Variants in NCK2 observed in about 807,000 individuals in gnomAD.
NCK2 encodes NCK adaptor protein 2, also known as cytoplasmic protein NCK2.
A neutral mutation model predicts 33.9 loss-of-function variants in NCK2; 16 were observed. That is an observed-to-expected ratio of 0.47 (90% CI 0.32 to 0.72). NCK2 has a LOEUF of 0.72. NCK2 is among the 30% of genes least tolerant of loss of function. The probability of loss-of-function intolerance (pLI) is 0.03; values close to 1 mark genes in which losing one functional copy is unlikely to be tolerated. For missense variants in NCK2, 418 were observed against 537.3 expected (o/e 0.78, Z 2.19); for synonymous variants, 273 against 239.9 (o/e 1.14, Z -1.27).
At chr2:105,830,491 A>C (rs1321694493) in intron 2 of NCK2, among the ~76,000 whole-genome samples, 1 of 152,038 alleles carries the variant, frequency 6.6e-6, no homozygotes, top group Non-Finnish European at 1.5e-5. Context: ...ATGGACACTT[A>C]GGTTGATTAC....
chr2:105,747,466 A>G (rs1689323410), intron 1 of NCK2, among the ~76,000 whole-genome samples: 1 of 152,112 alleles, frequency 6.6e-6, no homozygotes, highest in South Asian at 2.1e-4. Flanking sequence ...TGGGACACCC[A>G]TTTTTCTAAC....
intron 3 of NCK2, among the ~76,000 whole-genome samples, chr2:105,877,478 T>A (rs1162235637): frequency 6.6e-6 from 1 of 152,196 alleles, no homozygotes; most frequent in Non-Finnish European, 1.5e-5. Context: ...TGAGACCTAT[T>A]AACTGCTGTT....
At chr2:105,794,731 G>C (rs549858027) in intron 1 of NCK2, among the ~76,000 whole-genome samples, 1 of 151,482 alleles carries the variant, frequency 6.6e-6, no homozygotes, top group South Asian at 2.1e-4. Context: ...TTATTTTTGA[G>C]ACGGAGTCTT....
intron 1 of NCK2, among the ~76,000 whole-genome samples, chr2:105,776,155 C>T (rs942364302): frequency 2.6e-5 from 4 of 152,152 alleles, no homozygotes; most frequent in East Asian, 1.9e-4. Flanking sequence ...CTAGGAATCT[C>T]AGTGCTCTGC....
chr2:105,838,843 C>T (rs1421371913), intron 2 of NCK2, among the ~76,000 whole-genome samples: 4 of 152,118 alleles, frequency 2.6e-5, no homozygotes, highest in East Asian at 1.9e-4. Flanking sequence ...TAAGTCTTGG[C>T]TTACAAAGGG....
intron 1 of NCK2, among the ~76,000 whole-genome samples, chr2:105,787,118 C>A (rs879739844): frequency 3.3e-5 from 5 of 152,228 alleles, no homozygotes; most frequent in Non-Finnish European, 7.3e-5. Context: ...TGCTGTTACT[C>A]CCACTGCCCT....
chr2:105,754,188 A>T (rs1689538010), intron 1 of NCK2, among the ~76,000 whole-genome samples: 1 of 152,238 alleles, frequency 6.6e-6, no homozygotes. Context: ...TTGCAGTCAC[A>T]CTACCTCTCA....
intron 1 of NCK2, among the ~76,000 whole-genome samples, chr2:105,777,412 C>G (rs193036946): frequency 2.8e-4 from 43 of 152,274 alleles, no homozygotes; most frequent in African/African-American, 8.7e-4. Flanking sequence ...CACACAGACT[C>G]CTGAGAGTGT....
chr2:105,883,422 C>T lies in NCK2; in HGVS notation c.948+1373C>T, dbSNP rs115172556. Among the ~76,000 whole-genome samples the T allele has an allele frequency of 6.6e-3, 1,001 of 152,258 alleles. 11 individuals carry two copies. Among genetic ancestry groups the T allele is most frequent in the African/African-American group, 0.022 (933 of 41,542 alleles). ...GAGTCCTTAAGGGCTAAGTATAATG[C>T]ACAAAATATGATCTTGGCTTAAAAT... On this transcript the variant is annotated intron_variant, in intron 4 of 4. Transcript: ENST00000233154.
intron 2 of NCK2, among the ~76,000 whole-genome samples, chr2:105,831,907 T>G (rs1257666309): frequency 6.6e-6 from 1 of 152,206 alleles, no homozygotes; most frequent in Non-Finnish European, 1.5e-5. Flanking sequence ...ATTTTAGGAT[T>G]TCTTTTTCTA....
chr2:105,812,556 TCTG>T (rs1240766163), intron 1 of NCK2, among the ~76,000 whole-genome samples: 1 of 152,210 alleles, frequency 6.6e-6, no homozygotes, highest in African/African-American at 2.4e-5. Flanking sequence ...CTTGCAGGCC[TCTG>T]CTGGGCCTCC....
intron 1 of NCK2, among the ~76,000 whole-genome samples, chr2:105,807,737 C>CCTTT (rs1675109577): frequency 1.6e-5 from 2 of 127,346 alleles, no homozygotes; most frequent in African/African-American, 5.9e-5. Context: ...TTCTTTCCTT[C>CCTTT]CTTCCTTCCT....
At chr2:105,781,776 G>A (rs1437090738) in intron 1 of NCK2, among the ~76,000 whole-genome samples, 1 of 152,202 alleles carries the variant, frequency 6.6e-6, no homozygotes, top group East Asian at 1.9e-4. Context: ...TCCGCAGTAC[G>A]AAAATTTGTA....
intron 1 of NCK2, among the ~76,000 whole-genome samples, chr2:105,753,381 G>A (rs796363998): frequency 1.8e-4 from 27 of 152,312 alleles, no homozygotes; most frequent in African/African-American, 6.5e-4. Context: ...CCGTAGGCTG[G>A]TGGTCCTCCA....
intron 2 of NCK2, among the ~76,000 whole-genome samples, chr2:105,845,751 GAAAA>G (rs375984517): frequency 2.7e-5 from 4 of 150,342 alleles, no homozygotes; most frequent in African/African-American, 9.8e-5. Flanking sequence ...TTACAGCTGT[GAAAA>G]AAAAATAGGA....
At chr2:105,860,788 G>C (rs1250400283) in intron 3 of NCK2, among the ~76,000 whole-genome samples, 1 of 148,084 alleles carries the variant, frequency 6.8e-6, no homozygotes, top group Non-Finnish European at 1.5e-5. Flanking sequence ...GTAGATCCAT[G>C]CCCCGCCCGC....
intron 2 of NCK2, among the ~76,000 whole-genome samples, chr2:105,844,461 C>A (rs1676771718): frequency 6.6e-6 from 1 of 151,790 alleles, no homozygotes; most frequent in African/African-American, 2.4e-5. Context: ...TGGTGGCTCA[C>A]GCCTGTAATC....
intron 1 of NCK2, among the ~76,000 whole-genome samples, chr2:105,810,373 GGA>G (rs146147970): frequency 2.0e-5 from 3 of 151,978 alleles, no homozygotes; most frequent in Non-Finnish European, 4.4e-5. Flanking sequence ...GTAGAGGGAG[GGA>G]GAGAGAGAAA....
chr2:105,877,777 C>T (rs1289000784), intron 3 of NCK2, among the ~76,000 whole-genome samples: 1 of 152,232 alleles, frequency 6.6e-6, no homozygotes, highest in Non-Finnish European at 1.5e-5. Flanking sequence ...TATGCTCCTT[C>T]ACTATTATGG....
Sources: allele counts gnomAD v4.1 joint callset (sites outside exome capture counted in the v4.1 genomes callset), GRCh38; gene constraint gnomAD v4.1.1; transcripts MANE v1.5; gene names NCBI Gene and HGNC (gene_info 2026-07-23, HGNC 2026-07-21).